The following TOMM34 variants were observed in gnomAD, a reference collection of about 807,000 sequenced individuals.
The protein encoded by TOMM34 is mitochondrial import receptor subunit TOM34.
Under a neutral mutation model 37.4 loss-of-function variants are expected in TOMM34, and 24 were observed. That is an observed-to-expected ratio of 0.64 (90% CI 0.46 to 0.90). TOMM34 has a LOEUF of 0.90. TOMM34 is among the 40% of genes least tolerant of loss of function. The pLI, the probability that TOMM34 is intolerant of heterozygous loss-of-function variation, is 0.00. For missense variants in TOMM34, 304 were observed against 375.6 expected (o/e 0.81, Z 1.58); for synonymous variants, 154 against 148.9 (o/e 1.03, Z -0.25).
At chr20:44,945,922 A>AT (rs2066977143) in intron 5 of TOMM34, among the ~76,000 whole-genome samples, 2 of 152,072 alleles carry the variant, frequency 1.3e-5, no homozygotes. Context: ...CAGTGGCATG[A>AT]TAACAGCTCA....
At chr20:44,949,112 A>G (rs548280168) in intron 4 of TOMM34, among the ~76,000 whole-genome samples, 58 of 152,302 alleles carry the variant, frequency 3.8e-4, no homozygotes, top group Non-Finnish European at 3.5e-4. Flanking sequence ...ACATTTTTGC[A>G]TGCACATAAA....
chr20:44,953,711 C>G (rs1204300130), intron 3 of TOMM34, among the ~76,000 whole-genome samples: 1 of 152,162 alleles, frequency 6.6e-6, no homozygotes, highest in South Asian at 2.1e-4. Flanking sequence ...CTCGATACCC[C>G]GCAACCACTA....
chr20:44,958,199 G>A (rs927295660), intron 1 of TOMM34: 1 of 374,198 alleles, frequency 2.7e-6, no homozygotes, highest in Non-Finnish European at 5.5e-6. Context: ...GTCTATTAAA[G>A]CATTTCCTAA....
chr20:44,955,267 A>C, intron 2 of TOMM34, 47 bp from the exon 3 acceptor site: 1 of 1,602,082 alleles, frequency 6.2e-7, no homozygotes, highest in Non-Finnish European at 8.5e-7. Flanking sequence ...CTGAGCCACC[A>C]GGGTTTCCCT....
chr20:44,957,426 G>A (rs554976518), intron 1 of TOMM34, among the ~76,000 whole-genome samples: 19 of 152,132 alleles, frequency 1.2e-4, no homozygotes, highest in South Asian at 2.1e-4. Context: ...CGCCTGCCTC[G>A]GCCTCCCAAA....
intron 1 of TOMM34, among the ~76,000 whole-genome samples, chr20:44,959,223 G>A (rs2067103931): frequency 6.6e-6 from 1 of 152,148 alleles, no homozygotes; most frequent in African/African-American, 2.4e-5. Flanking sequence ...AAGGAAGGCG[G>A]CAAAGGGAAA....
chr20:44,956,615 CTTG>C lies in TOMM34; in HGVS notation c.128-133_128-131del, dbSNP rs1479083042. The stretch of plus-strand genomic sequence containing the variant: ...TAGAGATAACTATAACCTGTTCAGG[CTTG>C]TTGGTCTGCTGGGCTGGCGTGTTTG... On this transcript the variant is annotated intron_variant, in intron 1 of 6. Transcript: ENST00000372813. 23 of 780,986 alleles carry C rather than the reference CTTG, an allele frequency of 2.9e-5. No individual in the cohort carries two copies. In the South Asian group the frequency reaches 4.1e-4, roughly 14 times the overall value. The allele number at this position is 780,986 out of a possible 1,614,324, so 48.4% of individuals were successfully genotyped here.
rs1294488232 is a variant in TOMM34, at chr20:44,954,970, A to G, written c.380+98T>C. On this transcript the variant is annotated intron_variant, in intron 3 of 6. Transcript: ENST00000372813. ...ATCGGGAGTTTTTTAAGTGTAGCCA[A>G]AGGGATCCCCTCAGAAGACAGACAA... The G allele has an allele frequency of 2.1e-6, 3 of 1,455,614 alleles. No homozygotes were observed. The East Asian group carries it at 6.9e-5, about 34-fold the overall frequency. The allele number at this position is 1,455,614 out of a possible 1,614,324, so 90.2% of individuals were successfully genotyped here.
rs575125074 is a variant in TOMM34, at chr20:44,956,449, G to T, written c.164C>A (p.Ser55Tyr). The change falls in exon 2 of 7, where the codon TCC (serine) becomes TAC (tyrosine). Residue 55 changes from serine (S) to tyrosine (Y), a missense_variant. By Grantham distance (144) the Ser-to-Tyr change is moderately radical. Transcript: ENST00000372813. ...SDPEEESVLY[S>Y]NRAACHLKDG... ...CTTCAAGTGACATGCTGCTCGGTTG[G>T]AGTAGAGAACACTTTCTTCTTCTGG... 67 of 1,614,070 alleles carry T rather than the reference G, an allele frequency of 4.2e-5. No homozygotes were observed. The highest frequency in any genetic ancestry group is 5.3e-5 in the Non-Finnish European group (63 of 1,180,048).
chr20:44,956,390 T>A lies in TOMM34; in HGVS notation c.223A>T (p.Thr75Ser). 6.2e-7 allele frequency: 1 copy of A among 1,614,130 alleles called. No individual in the cohort carries two copies. ...AAATTACCCTTGGCCACTTACGAAGTGCAATCTTTGATGCAGTCTCTGCAG... is the reference window on the plus strand; with the variant it reads ...AAATTACCCTTGGCCACTTACGAAGAGCAATCTTTGATGCAGTCTCTGCAG... ...GNCRDCIKDCTSALALVPFSI... is the reference protein window; with the variant it reads ...GNCRDCIKDCSSALALVPFSI... Residue 75 changes from threonine to serine, a missense_variant, in exon 2 of 7, where the codon ACT becomes TCT. By Grantham distance (58) the Thr-to-Ser change is moderately conservative (BLOSUM62 1). Transcript: ENST00000372813.
In TOMM34 at chr20:44,942,706, T is replaced by G; in HGVS notation, c.*403A>C. 1 of 221,540 alleles carries G rather than the reference T, an allele frequency of 4.5e-6. No individual in the cohort carries two copies. Among genetic ancestry groups the G allele is most frequent in the East Asian group, 1.2e-4 (1 of 8,278 alleles). 13.7% of individuals were successfully genotyped at this position (221,540 alleles called of 1,614,324 possible). A position where few individuals can be genotyped will look rare whatever the true frequency, so the allele number is the denominator to read the frequency against. ...CCTCCTTCCACCCCGGCCCAGGAGCTCAGGTTGTTCAGATGAACTGCAGTG... is the reference window on the plus strand; with the variant it reads ...CCTCCTTCCACCCCGGCCCAGGAGCGCAGGTTGTTCAGATGAACTGCAGTG... On this transcript the variant is annotated 3_prime_UTR_variant, in exon 7 of 7. Coordinates refer to ENST00000372813, the MANE Select transcript of TOMM34 (RefSeq NM_006809.5).
chr20:44,950,758 GGTGA>G (rs1210174523), intron 4 of TOMM34, among the ~76,000 whole-genome samples: 1 of 152,180 alleles, frequency 6.6e-6, no homozygotes, highest in African/African-American at 2.4e-5. Flanking sequence ...TCCTGTAGAA[GGTGA>G]GTAACTCTTG....
Position 44,954,024 on chromosome 20 carries a change from C to T in TOMM34, c.380+1044G>A, listed in dbSNP as rs6031888. On this transcript the variant is annotated intron_variant, in intron 3 of 6. Transcript: ENST00000372813. ...TCCTGCCTGCAGCACCATGTGAAACCGACTTCTTACAATTCCTGTGATCTG... is the reference window on the plus strand; with the variant it reads ...TCCTGCCTGCAGCACCATGTGAAACTGACTTCTTACAATTCCTGTGATCTG... Among the ~76,000 whole-genome samples the T allele has an allele frequency of 8.5e-3, 1,287 of 152,306 alleles. 24 individuals are homozygous for T. The highest frequency in any genetic ancestry group is 0.03 in the African/African-American group (1,248 of 41,570).
At chr20:44,947,266 T>G (rs1218567455) in intron 5 of TOMM34, among the ~76,000 whole-genome samples, 1 of 152,164 alleles carries the variant, frequency 6.6e-6, no homozygotes, top group Non-Finnish European at 1.5e-5. Context: ...AAACCACAGG[T>G]GCAAAATTCC....
In TOMM34 at chr20:44,952,775, C is replaced by A. The variant is rs1223641903; in HGVS notation, c.381-773G>T. 6 of 690,126 alleles carry A rather than the reference C, an allele frequency of 8.7e-6. 1 individual carries two copies. The African/African-American group carries it at 8.8e-5, about 10-fold the overall frequency. 42.8% of individuals were successfully genotyped at this position (690,126 alleles called of 1,614,324 possible). On this transcript the variant is annotated intron_variant, in intron 3 of 6. Coordinates refer to ENST00000372813, the MANE Select transcript of TOMM34 (RefSeq NM_006809.5). The stretch of plus-strand genomic sequence containing the variant: ...ATGAGTGAATAATGCTAACTGTATA[C>A]TTTTTCTGCTCCTACAACCATGTTT...
At chr20:44,957,041 C>T (rs79066049) in intron 1 of TOMM34, among the ~76,000 whole-genome samples, 1,992 of 152,190 alleles carry the variant, frequency 0.013, 44 homozygotes, top group African/African-American at 0.046. Context: ...GATAATTGAG[C>T]TGGGTGTGAT....
intron 1 of TOMM34, among the ~76,000 whole-genome samples, chr20:44,956,882 AAAAAG>A (rs2067078078): frequency 6.6e-6 from 1 of 151,956 alleles, no homozygotes; most frequent in South Asian, 2.1e-4. Flanking sequence ...AGAAAAAAAA[AAAAAG>A]AAAAGAAAGG....
intron 5 of TOMM34, among the ~76,000 whole-genome samples, chr20:44,946,890 C>T (rs934165365): frequency 3.3e-5 from 5 of 152,056 alleles, no homozygotes; most frequent in Non-Finnish European, 5.9e-5. Flanking sequence ...CAAAATGATC[C>T]GAAGCTTTAG....
intron 1 of TOMM34, chr20:44,958,306 T>C (rs1568666076): frequency 2.1e-6 from 1 of 469,498 alleles, no homozygotes; most frequent in South Asian, 1.6e-5. Context: ...ATACCAACAA[T>C]AACAAGCGTT....
Sources: gnomAD v4.1 joint callset for allele counts (sites outside exome capture counted in the v4.1 genomes callset) on GRCh38, gnomAD v4.1.1 for gene constraint, MANE v1.5 for transcripts, NCBI Gene and HGNC (gene_info 2026-07-23, HGNC 2026-07-21) for gene names.